FYB1: variants seen among roughly 807,000 people sequenced by gnomAD.
FYB1 encodes FYN binding protein 1, also known as FYN-binding protein 1.
Under a neutral mutation model 94.1 loss-of-function variants are expected in FYB1, and 41 were observed. The observed-to-expected ratio is 0.44, with a 90% CI of 0.34 to 0.57. The LOEUF is 0.57. Ranked by LOEUF, FYB1 falls within the 20% of genes least tolerant of loss-of-function variation. The probability of loss-of-function intolerance (pLI) is 0.02; values close to 1 mark genes in which losing one functional copy is unlikely to be tolerated. For missense variants in FYB1, 1,050 were observed against 976.8 expected, an observed-to-expected ratio of 1.07 and a Z score of -1.00; for synonymous variants, 367 against 353.2, an observed-to-expected ratio of 1.04 and a Z score of -0.44.
rs1309787327 is a variant in FYB1 at position 39,110,474 on chromosome 5, A to G, written c.2402-85T>C. ...TTTTTTCAGGAAATCAAAACACAAG[A>G]GAGTAATCATAGTATATTGAATAAT... is the stretch of plus-strand genomic sequence containing the variant. On this transcript the variant is annotated intron_variant, in intron 16 of 18. Coordinates refer to ENST00000512982, the MANE Select transcript of FYB1 (RefSeq NM_001465.6). 3 of 835,542 alleles carry G rather than the reference A, an allele frequency of 3.6e-6. No individual in the cohort carries two copies. The African/African-American group carries it at 5.1e-5, about 14-fold the overall frequency. The allele number at this position is 835,542 out of a possible 1,614,324, so 51.8% of individuals were successfully genotyped here. A position where few individuals can be genotyped will look rare whatever the true frequency, so the allele number is the denominator to read the frequency against.
At chr5:39,265,201 G>T (rs1335772758) in intron 1 of FYB1, among the ~76,000 whole-genome samples, 1 of 152,100 alleles carries the variant, frequency 6.6e-6, no homozygotes, top group Non-Finnish European at 1.5e-5. Flanking sequence ...GCTGGGCCTG[G>T]CCAGGTGTGG....
chr5:39,126,672 G>A (rs1221338821), intron 11 of FYB1, among the ~76,000 whole-genome samples: 1 of 134,216 alleles, frequency 7.5e-6, no homozygotes, highest in African/African-American at 3.2e-5. Context: ...TTCTAGCTGG[G>A]GCAACAGAGT....
At chr5:39,118,647 T>C (rs1363036965) in intron 16 of FYB1, among the ~76,000 whole-genome samples, 2 of 152,184 alleles carry the variant, frequency 1.3e-5, no homozygotes, top group African/African-American at 2.4e-5. Flanking sequence ...GCATTATCTT[T>C]GACACCGAGT....
rs1267380269 is a variant in FYB1 at position 39,138,607 on chromosome 5, T to C, written c.1394+50A>G. The C allele has an allele frequency of 6.8e-6, 8 of 1,177,202 alleles. No homozygotes were observed. In the African/African-American group the frequency reaches 1.1e-4, roughly 16 times the overall value. 72.9% of individuals were successfully genotyped at this position (1,177,202 alleles called of 1,614,324 possible). A position where few individuals can be genotyped will look rare whatever the true frequency, so the allele number is the denominator to read the frequency against. On this transcript the variant is annotated intron_variant, in intron 6 of 18. Transcript: ENST00000512982. The stretch of plus-strand genomic sequence containing the variant: ...TACCCACTCTCCCTCATACAAAACA[T>C]TATATTCATCTTTGAAGAAAACTGT...
chr5:39,177,468 A>G (rs1347378032), intron 2 of FYB1, among the ~76,000 whole-genome samples: 1 of 152,164 alleles, frequency 6.6e-6, no homozygotes, highest in Non-Finnish European at 1.5e-5. Flanking sequence ...AGGTCTCCCA[A>G]AGCTGACAGA....
intron 16 of FYB1, among the ~76,000 whole-genome samples, chr5:39,112,973 A>T (rs1739207642): frequency 6.6e-6 from 1 of 152,092 alleles, no homozygotes; most frequent in South Asian, 2.1e-4. Flanking sequence ...ATGATGTGAT[A>T]ACACGGGGCT....
intron 2 of FYB1, chr5:39,169,313 T>C (rs533332569): frequency 2.9e-5 from 23 of 783,892 alleles, no homozygotes; most frequent in African/African-American, 1.3e-4. Context: ...CAAAAACTCA[T>C]GCTATGGGGT....
intron 1 of FYB1, among the ~76,000 whole-genome samples, chr5:39,230,640 C>A (rs766652097): frequency 6.6e-6 from 1 of 152,002 alleles, no homozygotes; most frequent in Non-Finnish European, 1.5e-5. Flanking sequence ...CTTAAACATG[C>A]TTACAGTCAC....
At chr5:39,270,280 G>C (rs1752620245) in intron 1 of FYB1, among the ~76,000 whole-genome samples, 1 of 152,160 alleles carries the variant, frequency 6.6e-6, no homozygotes, top group South Asian at 2.1e-4. Flanking sequence ...CTGGCACCAA[G>C]CTATCCTATG....
intron 1 of FYB1, among the ~76,000 whole-genome samples, chr5:39,205,828 C>T (rs1310193257): frequency 6.6e-6 from 1 of 152,156 alleles, no homozygotes; most frequent in Admixed American, 6.5e-5. Flanking sequence ...CTCTCTGAGG[C>T]TCAGTTTTCT....
In FYB1 at chr5:39,141,150, G is replaced by A. The variant is rs766023379; in HGVS notation, c.1293-9C>T. 3.0e-5 allele frequency: 48 copies of A among 1,578,672 alleles called. No homozygotes were observed. The South Asian group carries it at 4.3e-4, about 14-fold the overall frequency. On this transcript the variant is annotated splice_polypyrimidine_tract_variant and intron_variant, in intron 3 of 18. Transcript: ENST00000512982. ...CTTCATTGACAGGGCTTCTGAAAAC[G>A]AGAAAGAAGAAACAGTGAACATGGA...
chr5:39,138,449 A>G (rs1296623959), intron 6 of FYB1: 1 of 435,800 alleles, frequency 2.3e-6, no homozygotes, highest in African/African-American at 2.1e-5. Context: ...GGCCTCTCAC[A>G]CAATAGCTTT....
chr5:39,119,408 C>G (rs1011167822), intron 15 of FYB1, 127 bp downstream of exon 15: 12 of 637,284 alleles, frequency 1.9e-5, no homozygotes, highest in East Asian at 3.1e-5. Context: ...GATAATTACA[C>G]TTTAAAGTGT....
intron 2 of FYB1, chr5:39,169,739 A>G (rs1362425655): frequency 4.2e-6 from 2 of 478,016 alleles, no homozygotes; most frequent in Non-Finnish European, 4.1e-6. Flanking sequence ...GTGATTTGCC[A>G]TCTTCATTAG....
At chr5:39,252,732 T>C (rs1751783374) in intron 1 of FYB1, among the ~76,000 whole-genome samples, 1 of 152,160 alleles carries the variant, frequency 6.6e-6, no homozygotes, top group African/African-American at 2.4e-5. Flanking sequence ...CCTAGAGAAC[T>C]AGGAGAGTGG....
intron 16 of FYB1, among the ~76,000 whole-genome samples, chr5:39,114,806 G>T (rs1236239058): frequency 6.6e-6 from 1 of 152,134 alleles, no homozygotes; most frequent in East Asian, 1.9e-4. Context: ...CAAGCCCCAC[G>T]CAAGGTGCAA....
Position 39,153,559 on chromosome 5 carries a change from G to A in FYB1, c.1181C>T (p.Pro394Leu), listed in dbSNP as rs1482560214. 3 of 1,613,774 alleles carry A rather than the reference G, an allele frequency of 1.9e-6. No homozygotes were observed. Among genetic ancestry groups the A allele is most frequent in the East Asian group, 2.2e-5 (1 of 44,888 alleles). Residue 394 changes from proline (P) to leucine (L), a missense_variant, in exon 3 of 19, where the codon CCA (proline) becomes CTA (leucine). By Grantham distance (98) the Pro-to-Leu change is moderately conservative (BLOSUM62 -3). Transcript: ENST00000512982. ...QTSYSTTSLP[P>L]PPPSHPASQP... Reference sequence around the variant, plus strand: ...GCTGGCCGGATGGGATGGTGGAGGTGGTGGCAGGGAAGTTGTTGAGTAAGA... The same window carrying A: ...GCTGGCCGGATGGGATGGTGGAGGTAGTGGCAGGGAAGTTGTTGAGTAAGA...
At chr5:39,248,961 A>C (rs1751600392) in intron 1 of FYB1, among the ~76,000 whole-genome samples, 1 of 152,212 alleles carries the variant, frequency 6.6e-6, no homozygotes, top group African/African-American at 2.4e-5. Context: ...TTTAAGTTTA[A>C]ATTTTTGTTA....
chr5:39,196,077 A>G (rs1366274356), intron 2 of FYB1, among the ~76,000 whole-genome samples: 1 of 152,192 alleles, frequency 6.6e-6, no homozygotes, highest in Non-Finnish European at 1.5e-5. Context: ...TCCAAGCTCC[A>G]TTCAGTTGAG....
Sources: gnomAD v4.1 joint callset for allele counts (sites outside exome capture counted in the v4.1 genomes callset) on GRCh38, gnomAD v4.1.1 for gene constraint, MANE v1.5 for transcripts, NCBI Gene and HGNC (gene_info 2026-07-23, HGNC 2026-07-21) for gene names.